The following EIF2D variants were observed in gnomAD, a reference collection of about 807,000 sequenced individuals.
The protein encoded by EIF2D is hepatocellular carcinoma-associated antigen 56.
A neutral mutation model predicts 77.4 loss-of-function variants in EIF2D; 56 were observed. The ratio of observed to expected loss-of-function variants is 0.72; its 90% CI spans 0.58 to 0.90. The LOEUF is 0.90. Among genes scored for constraint, EIF2D ranks in the 40% least tolerant of loss-of-function variants. The probability of loss-of-function intolerance (pLI) is 0.00; values close to 1 mark genes in which losing one functional copy is unlikely to be tolerated. For missense variants in EIF2D, 574 were observed against 706.5 expected (o/e 0.81, Z 2.13); for synonymous variants, 230 against 271.0 (o/e 0.85, Z 1.49).
chr1:206,580,131 C>G lies in EIF2D; in HGVS notation c.*254+561G>C, dbSNP rs989186774. Among the ~76,000 whole-genome samples, 6 of 152,264 alleles carry G rather than the reference C, an allele frequency of 3.9e-5. No individual in the cohort carries two copies. The South Asian group carries it at 1.0e-3, about 26-fold the overall frequency. On this transcript the variant is annotated intron_variant and NMD_transcript_variant, in intron 4 of 5. Coordinates refer to the EIF2D transcript ENST00000472709. ...GCCTGTGGCCACTTGCGTCACTTCC[C>G]CGCGTTTGTGGTGGGAAGGGGAGAG...
Position 206,597,212 on chromosome 1 carries a change from G to A in EIF2D, c.1293-17C>T, listed in dbSNP as rs372538151. On this transcript the variant is annotated splice_polypyrimidine_tract_variant and intron_variant, in intron 11 of 14. Coordinates refer to ENST00000271764, the MANE Select transcript of EIF2D (RefSeq NM_006893.3). ...CTCACAAGACTAAAGGGAAAGAAGA[G>A]GCAATGAAGAAATCCTAGACTTGTC... 8.8e-6 allele frequency: 14 copies of A among 1,594,908 alleles called. No individual in the cohort carries two copies. In the African/African-American group the frequency reaches 1.5e-4, roughly 17 times the overall value.
At chr1:206,602,027 G>A (rs183696582) in intron 7 of EIF2D, 33 of 307,400 alleles carry the variant, frequency 1.1e-4, no homozygotes, top group African/African-American at 5.8e-4. Flanking sequence ...CACGCTGCCC[G>A]ATTTGTGAGG....
chr1:206,593,506 A>AGTGTGTGTGTGTGCGTGTGTGTGT, intron 14 of EIF2D, 113 bp downstream of exon 14: 2 of 441,294 alleles, frequency 4.5e-6, no homozygotes, highest in East Asian at 4.1e-5. Flanking sequence ...AGAGAGAGAG[A>AGTGTGTGTGTGTGCGTGTGTGTGT]GAGTGTGTGT....
chr1:206,591,017 C>G (rs569109163), downstream of EIF2D, among the ~76,000 whole-genome samples: 1 of 152,180 alleles, frequency 6.6e-6, no homozygotes, highest in African/African-American at 2.4e-5. Flanking sequence ...GGAAAATGAT[C>G]GTACAAAATC....
intron 5 of EIF2D, among the ~76,000 whole-genome samples, chr1:206,571,719 T>C (rs1668457586): frequency 6.6e-6 from 1 of 152,082 alleles, no homozygotes; most frequent in Non-Finnish European, 1.5e-5. Context: ...TTCTGTCAGA[T>C]GTAGAGAAGG....
chr1:206,598,864 T>C, intron 11 of EIF2D, 139 bp downstream of exon 11: 1 of 802,404 alleles, frequency 1.2e-6, no homozygotes, highest in Non-Finnish European at 2.0e-6. Flanking sequence ...CAGCCCATGG[T>C]TTGGAAACCA....
chr1:206,599,303 G>A lies in EIF2D; in HGVS notation c.1202+160C>T, dbSNP rs1361909933. 1.3e-5 allele frequency among the ~76,000 whole-genome samples: 2 copies of A among 152,176 alleles called. No homozygotes were observed. The highest frequency in any genetic ancestry group is 3.8e-4 in the East Asian group (2 of 5,200). On this transcript the variant is annotated intron_variant, in intron 10 of 14. Transcript: ENST00000271764. The surrounding 1 kb of genome is among the most constrained non-coding windows in gnomAD (Gnocchi z 4.1). ...ACCTACTCGTTCATTTAGTCCAGAG[G>A]AACTTGCCCAGGGAAGAAGGCTGGA...
chr1:206,609,526 C>T lies in EIF2D; in HGVS notation c.248-67G>A, dbSNP rs1180082593. The T allele has an allele frequency of 3.8e-6, 5 of 1,305,080 alleles. No individual in the cohort carries two copies. The East Asian group carries it at 1.2e-4, about 30-fold the overall frequency. The allele number at this position is 1,305,080 out of a possible 1,614,324, so 80.8% of individuals were successfully genotyped here. ...CAATCTTCTAGAGAAATGGAAAAACCTAACACTATGGTCACTTTAATTAGA... is the reference window on the plus strand; with the variant it reads ...CAATCTTCTAGAGAAATGGAAAAACTTAACACTATGGTCACTTTAATTAGA... On this transcript the variant is annotated intron_variant, in intron 2 of 14. Coordinates refer to ENST00000271764, the MANE Select transcript of EIF2D (RefSeq NM_006893.3).
chr1:206,608,333 T>C lies in EIF2D; in HGVS notation c.332-7A>G, dbSNP rs375116944. On this transcript the variant is annotated splice_polypyrimidine_tract_variant and splice_region_variant and intron_variant, in intron 3 of 14. Transcript: ENST00000271764. ...AGTCCAGGCAGCATCAAATCTGCAA[T>C]GAACAAAAAAAATCACAACCTGCAT... 127 of 1,605,512 alleles carry C rather than the reference T, an allele frequency of 7.9e-5. No homozygotes were observed. The African/African-American group carries it at 1.0e-3, about 13-fold the overall frequency.
chr1:206,607,104 C>A (rs1255606253), intron 4 of EIF2D, among the ~76,000 whole-genome samples: 6 of 152,110 alleles, frequency 3.9e-5, no homozygotes, highest in Non-Finnish European at 8.8e-5. Flanking sequence ...CATCACCACA[C>A]AACAGGTAAA....
At chr1:206,576,009 A>T (rs116217606) in intron 4 of EIF2D, among the ~76,000 whole-genome samples, 2,420 of 152,262 alleles carry the variant, frequency 0.016, 72 homozygotes, top group African/African-American at 0.056. Context: ...CCCAATCAAC[A>T]GGTATTTATC....
At chr1:206,595,617 G>T in intron 13 of EIF2D, 101 bp downstream of exon 13, 1 of 1,457,698 alleles carries the variant, frequency 6.9e-7, no homozygotes, top group Non-Finnish European at 9.3e-7. Flanking sequence ...TCTTTGATGA[G>T]TTTGAGGCCA....
At chr1:206,575,868 G>A (rs933172372) in intron 4 of EIF2D, among the ~76,000 whole-genome samples, 26 of 152,214 alleles carry the variant, frequency 1.7e-4, no homozygotes, top group African/African-American at 6.3e-4. Context: ...TAACGCCAAA[G>A]TCCAAAGCCT....
chr1:206,608,123 A>C, intron 4 of EIF2D, 113 bp downstream of exon 4: 2 of 1,008,358 alleles, frequency 2.0e-6, no homozygotes, highest in Non-Finnish European at 2.9e-6. Context: ...CTTCTTCCAA[A>C]ACCGATTTTT....
chr1:206,583,445 C>G (rs1422933722), intron 2 of EIF2D: 2 of 1,088,022 alleles, frequency 1.8e-6, no homozygotes, highest in Non-Finnish European at 2.8e-6. Context: ...GGCGCCTCTG[C>G]CCTCACTCTG....
Position 206,599,118 on chromosome 1 carries a change from G to A in EIF2D, c.1203-26C>T. ...CTAGGTGAGGAGAAGTGACCCAGGGGTTAGTTCATGCTGTGCCATGAGACA... is the reference window on the plus strand; with the variant it reads ...CTAGGTGAGGAGAAGTGACCCAGGGATTAGTTCATGCTGTGCCATGAGACA... On this transcript the variant is annotated intron_variant, in intron 10 of 14. Coordinates refer to ENST00000271764, the MANE Select transcript of EIF2D (RefSeq NM_006893.3). This position sits in a 1 kb window ranked among gnomAD's most constrained non-coding sequence, Gnocchi z 4.1. 1 of 1,608,146 alleles carries A rather than the reference G, an allele frequency of 6.2e-7. No individual in the cohort carries two copies. The highest frequency in any genetic ancestry group is 8.5e-7 in the Non-Finnish European group (1 of 1,174,830).
intron 14 of EIF2D, among the ~76,000 whole-genome samples, chr1:206,593,064 T>G (rs953980364): frequency 2.6e-5 from 4 of 151,956 alleles, no homozygotes; most frequent in African/African-American, 9.7e-5. Context: ...TGAGCCAAGA[T>G]TGCGCCACTG....
rs371813482 is a variant in EIF2D at position 206,612,347 on chromosome 1, G to C, written c.-5C>G. 1.9e-6 allele frequency: 3 copies of C among 1,614,150 alleles called. No individual in the cohort carries two copies. Among genetic ancestry groups the C allele is most frequent in the Admixed American group, 1.7e-5 (1 of 60,014 alleles). On this transcript the variant is annotated 5_prime_UTR_variant, in exon 1 of 15. Transcript: ENST00000271764. ...CCGAAAGGCCTTGGCAAACATGTCT[G>C]CTGGGGTGGCCTGGGGAAGAGAGCA...
chr1:206,593,907 C>T (rs1669509869), intron 13 of EIF2D, 114 bp from the exon 14 acceptor site: 4 of 906,938 alleles, frequency 4.4e-6, no homozygotes, highest in East Asian at 2.6e-5. Flanking sequence ...GATGGTTCAC[C>T]ATTCCTATAA....
Sources: gnomAD v4.1 joint callset for allele counts (sites outside exome capture counted in the v4.1 genomes callset) on GRCh38, gnomAD v4.1.1 for gene constraint, Gnocchi (gnomAD v3.1) non-coding constraint, MANE v1.5 for transcripts, NCBI Gene and HGNC (gene_info 2026-07-23, HGNC 2026-07-21) for gene names.